The following OR51B5 variants were observed in gnomAD, a reference collection of about 807,000 sequenced individuals.
OR51B5 encodes olfactory receptor family 51 subfamily B member 5.
For missense variants in OR51B5, 456 were observed against 374.6 expected (o/e 1.22, Z -1.79); for synonymous variants, 186 against 144.8 (o/e 1.28, Z -2.04).
chr11:5,446,304 CA>C (rs35174250), intron 1 of OR51B5, among the ~76,000 whole-genome samples: 73,101 of 148,798 alleles, frequency 0.49, 19,186 homozygotes, highest in Non-Finnish European at 0.59. Flanking sequence ...TGAGGTAACC[CA>C]AAAAAAAAAG....
chr11:5,402,605 T>C (rs1849987803), intron 1 of OR51B5: 1 of 469,342 alleles, frequency 2.1e-6, no homozygotes, highest in South Asian at 1.6e-5. Flanking sequence ...ACATGAAAAT[T>C]TCTAATAACT....
chr11:5,371,273 GGTTAATTT>G (rs1849443357), intron 1 of OR51B5, among the ~76,000 whole-genome samples: 1 of 151,888 alleles, frequency 6.6e-6, no homozygotes, highest in South Asian at 2.1e-4. Context: ...TTTCACATTA[GGTTAATTT>G]TTTTAAAACT....
chr11:5,430,446 GCACA>G (rs1485675358), intron 1 of OR51B5, among the ~76,000 whole-genome samples: 1 of 152,104 alleles, frequency 6.6e-6, no homozygotes, highest in Non-Finnish European at 1.5e-5. Context: ...ATGTACATGT[GCACA>G]CACAGAGACA....
chr11:5,471,796 G>A (rs1007334394), intron 1 of OR51B5, among the ~76,000 whole-genome samples: 2 of 152,040 alleles, frequency 1.3e-5, no homozygotes, highest in Non-Finnish European at 2.9e-5. Context: ...CTACATACAA[G>A]CTGTGAATTT....
intron 1 of OR51B5, chr11:5,390,100 G>A: frequency 6.2e-7 from 1 of 1,613,698 alleles, no homozygotes; most frequent in South Asian, 1.1e-5. Context: ...GACTCATCCT[G>A]CACACAGTAG....
intron 1 of OR51B5, among the ~76,000 whole-genome samples, chr11:5,463,407 G>T (rs1192919996): frequency 6.6e-6 from 1 of 152,172 alleles, no homozygotes; most frequent in African/African-American, 2.4e-5. Flanking sequence ...TCAACTAATA[G>T]AAATGCAAAC....
In OR51B5 at chr11:5,489,728, G is replaced by A. The variant is rs922622840; in HGVS notation, n.84+15841C>T. On this transcript the variant is annotated intron_variant and non_coding_transcript_variant, in intron 1 of 4. Coordinates refer to the OR51B5 transcript ENST00000415970. ...ATGGCTGTCTAGATACATTTACATGGACACACAGTGATGATGTGAAAGGAA... is the reference window on the plus strand; with the variant it reads ...ATGGCTGTCTAGATACATTTACATGAACACACAGTGATGATGTGAAAGGAA... 27 of 1,053,068 alleles carry A rather than the reference G, an allele frequency of 2.6e-5. No individual in the cohort carries two copies. The Middle Eastern group carries it at 8.4e-4, about 33-fold the overall frequency. 65.2% of individuals were successfully genotyped at this position (1,053,068 alleles called of 1,614,324 possible).
chr11:5,459,281 C>G (rs571769139), intron 1 of OR51B5, among the ~76,000 whole-genome samples: 2 of 152,216 alleles, frequency 1.3e-5, no homozygotes, highest in South Asian at 2.1e-4. Flanking sequence ...GTTGAACCAG[C>G]CTTGCATCCC....
chr11:5,448,454 A>G (rs894817433), intron 1 of OR51B5, among the ~76,000 whole-genome samples: 1 of 152,216 alleles, frequency 6.6e-6, no homozygotes, highest in African/African-American at 2.4e-5. Context: ...AATGGGGTAC[A>G]AGCTAGAGAG....
At chr11:5,421,973 A>G (rs1330919875) in intron 1 of OR51B5, 1 of 496,946 alleles carries the variant, frequency 2.0e-6, no homozygotes, top group Non-Finnish European at 3.5e-6. Flanking sequence ...ATTAATATAT[A>G]TTCCGTCATC....
chr11:5,369,572 T>C (rs60307707), intron 1 of OR51B5, among the ~76,000 whole-genome samples: 41,241 of 152,044 alleles, frequency 0.27, 5,868 homozygotes, highest in African/African-American at 0.33. Context: ...GTCTATGATA[T>C]AATTTAAAAA....
chr11:5,453,442 C>T, intron 1 of OR51B5: 1 of 1,368,622 alleles, frequency 7.3e-7, no homozygotes, highest in Non-Finnish European at 9.9e-7. Context: ...TAGAATTCTC[C>T]AAGTCAGAAG....
intron 1 of OR51B5, among the ~76,000 whole-genome samples, chr11:5,367,219 G>T (rs768299574): frequency 2.0e-5 from 3 of 152,192 alleles, no homozygotes; most frequent in African/African-American, 7.2e-5. Flanking sequence ...GAAGTTAAAA[G>T]CATTGCCAGA....
chr11:5,495,905 T>C (rs1851644215), intron 1 of OR51B5, among the ~76,000 whole-genome samples: 1 of 152,164 alleles, frequency 6.6e-6, no homozygotes, highest in Admixed American at 6.6e-5. Flanking sequence ...CTCCATAAAA[T>C]TTGTAAGCAA....
At chr11:5,496,549 T>C (rs1851652438) in intron 1 of OR51B5, among the ~76,000 whole-genome samples, 1 of 152,118 alleles carries the variant, frequency 6.6e-6, no homozygotes, top group Admixed American at 6.5e-5. Flanking sequence ...AGAATCCCCT[T>C]CCTAAAGTCT....
At chr11:5,414,931 A>G (rs562050416) in intron 1 of OR51B5, among the ~76,000 whole-genome samples, 1,626 of 152,278 alleles carry the variant, frequency 0.011, 30 homozygotes, top group African/African-American at 0.036. Flanking sequence ...GGACCTAATA[A>G]ACATCTACAG....
At chr11:5,412,614 A>C (rs1036398296) in intron 1 of OR51B5, among the ~76,000 whole-genome samples, 2 of 152,222 alleles carry the variant, frequency 1.3e-5, no homozygotes, top group Admixed American at 6.5e-5. Flanking sequence ...CAACGGGCTT[A>C]AAAAACTGCC....
intron 1 of OR51B5, among the ~76,000 whole-genome samples, chr11:5,404,345 T>C (rs1218972627): frequency 1.7e-4 from 26 of 152,110 alleles, no homozygotes; most frequent in Admixed American, 1.7e-3. Flanking sequence ...GGGTTGTAAA[T>C]GCACCAATCA....
At chr11:5,363,744 C>A (rs189917301) in intron 1 of OR51B5, among the ~76,000 whole-genome samples, 1 of 152,044 alleles carries the variant, frequency 6.6e-6, no homozygotes, top group East Asian at 1.9e-4. Flanking sequence ...TATTGGAAAG[C>A]GGGAAAGTAG....
Sources: gnomAD v4.1 joint callset for allele counts (sites outside exome capture counted in the v4.1 genomes callset) on GRCh38, gnomAD v4.1.1 for gene constraint, MANE v1.5 for transcripts, NCBI Gene and HGNC (gene_info 2026-07-23, HGNC 2026-07-21) for gene names.